CSMD1: variants seen among roughly 807,000 people sequenced by gnomAD.
CSMD1 encodes CUB and Sushi multiple domains 1, also known as CUB and sushi domain-containing protein 1.
In CSMD1, 213 loss-of-function variants were observed where a neutral mutation model predicts 417.5. The ratio of observed to expected loss-of-function variants is 0.51; its 90% confidence interval spans 0.46 to 0.57. The LOEUF is 0.57. Among genes scored for constraint, CSMD1 ranks in the 20% least tolerant of loss-of-function variants. The pLI, the probability that CSMD1 is intolerant of heterozygous loss-of-function variation, is 0.00. For synonymous variants in CSMD1, 2,862 were observed against 1,736.8 expected, an observed-to-expected ratio of 1.65 and a Z score of -16.11; for missense variants, 6,923 against 4,529.7, an observed-to-expected ratio of 1.53 and a Z score of -15.17.
chr8:4,758,405 C>T (rs1811810314), intron 1 of CSMD1, among the ~76,000 whole-genome samples: 1 of 152,164 alleles, frequency 6.6e-6, no homozygotes, highest in African/African-American at 2.4e-5. Flanking sequence ...TGAGCAAGGC[C>T]ATAGATTGTA....
At chr8:3,259,344 G>A (rs553499221) in intron 26 of CSMD1, among the ~76,000 whole-genome samples, 54 of 152,278 alleles carry the variant, frequency 3.5e-4, no homozygotes, top group African/African-American at 1.0e-3. Flanking sequence ...TCTTGACTTC[G>A]TTCACTCAGT....
intron 50 of CSMD1, among the ~76,000 whole-genome samples, chr8:3,042,416 T>G (rs988837107): frequency 6.6e-6 from 1 of 152,166 alleles, no homozygotes. Context: ...TTTATCACCT[T>G]AATAGGTATT....
Position 4,782,194 on chromosome 8 carries a change from C to A in CSMD1, c.86-144636G>T, listed in dbSNP as rs537505240. Among the ~76,000 whole-genome samples, 125 of 152,238 alleles carry A rather than the reference C, an allele frequency of 8.2e-4. 1 individual carries two copies. The highest frequency in any genetic ancestry group is 1.5e-3 in the Non-Finnish European group (104 of 68,006). ...AAGAAAGAGTTCTGCTGTTCTATTG[C>A]ACAGTAGAGTGACTCTGCTTAATAA... On this transcript the variant is annotated intron_variant, in intron 1 of 69. Transcript: ENST00000635120.
intron 12 of CSMD1, among the ~76,000 whole-genome samples, chr8:3,421,178 A>C (rs563590676): frequency 1.1e-4 from 16 of 152,334 alleles, no homozygotes; most frequent in African/African-American, 3.8e-4. Flanking sequence ...TCTTAAACTC[A>C]TACTACAAGA....
chr8:3,714,343 T>C (rs532432434), intron 6 of CSMD1, among the ~76,000 whole-genome samples: 36 of 150,832 alleles, frequency 2.4e-4, no homozygotes, highest in African/African-American at 8.5e-4. Flanking sequence ...ATCTTTTATA[T>C]TTACCTTTTC....
chr8:3,933,270 A>G (rs547477303), intron 5 of CSMD1, among the ~76,000 whole-genome samples: 2 of 152,332 alleles, frequency 1.3e-5, no homozygotes, highest in African/African-American at 2.4e-5. Context: ...TGACTAATCT[A>G]AAATATTTTG....
intron 26 of CSMD1, among the ~76,000 whole-genome samples, chr8:3,269,829 G>T (rs1039613742): frequency 3.3e-5 from 5 of 152,118 alleles, no homozygotes; most frequent in African/African-American, 1.2e-4. Context: ...TTTACATGCT[G>T]TGCAGAGCTG....
chr8:3,225,859 T>C (rs1262525957), intron 27 of CSMD1, among the ~76,000 whole-genome samples: 1 of 152,220 alleles, frequency 6.6e-6, no homozygotes, highest in Non-Finnish European at 1.5e-5. Context: ...CAAAATATTT[T>C]AGATAGGATT....
At chr8:3,601,183 G>C (rs1801344851) in intron 8 of CSMD1, among the ~76,000 whole-genome samples, 1 of 152,142 alleles carries the variant, frequency 6.6e-6, no homozygotes, top group African/African-American at 2.4e-5. Flanking sequence ...GTGTCCGTGG[G>C]ATTCCTGTTC....
chr8:4,540,664 T>C (rs1214059411), intron 2 of CSMD1, among the ~76,000 whole-genome samples: 1 of 152,058 alleles, frequency 6.6e-6, no homozygotes, highest in Non-Finnish European at 1.5e-5. Flanking sequence ...TGTACAAAGG[T>C]CAGGAAAGGC....
intron 3 of CSMD1, among the ~76,000 whole-genome samples, chr8:4,354,818 C>T (rs1483540967): frequency 6.7e-6 from 1 of 149,108 alleles, no homozygotes; most frequent in Non-Finnish European, 1.5e-5. Context: ...TAGTATTATA[C>T]CTGGTTTCTG....
chr8:3,462,710 A>T (rs181830264), intron 12 of CSMD1, among the ~76,000 whole-genome samples: 1 of 152,308 alleles, frequency 6.6e-6, no homozygotes, highest in East Asian at 1.9e-4. Flanking sequence ...AATGCACTTC[A>T]GTCACCCTGA....
chr8:3,876,800 C>A (rs766875010), intron 5 of CSMD1, among the ~76,000 whole-genome samples: 19 of 152,098 alleles, frequency 1.2e-4, no homozygotes, highest in Admixed American at 2.0e-4. Flanking sequence ...TTTGTAGAAA[C>A]GAGGTTTCAC....
chr8:4,138,322 T>G (rs13248083), intron 3 of CSMD1, among the ~76,000 whole-genome samples: 12,409 of 96,320 alleles, frequency 0.13, 3,088 homozygotes, highest in Non-Finnish European at 0.2. Flanking sequence ...AGAGTTGAGA[T>G]TTACACATTT....
At chr8:4,060,432 A>C (rs1798913057) in intron 3 of CSMD1, among the ~76,000 whole-genome samples, 1 of 152,186 alleles carries the variant, frequency 6.6e-6, no homozygotes, top group Admixed American at 6.5e-5. Flanking sequence ...TAGTGTTGGA[A>C]GTTCTGGCCA....
intron 49 of CSMD1, among the ~76,000 whole-genome samples, chr8:3,084,355 C>G (rs1000869158): frequency 3.3e-5 from 5 of 151,530 alleles, no homozygotes; most frequent in Non-Finnish European, 5.9e-5. Flanking sequence ...GAAACTCCAT[C>G]TCTACTAAAT....
chr8:4,723,611 A>G (rs945845044), intron 1 of CSMD1, among the ~76,000 whole-genome samples: 2 of 152,120 alleles, frequency 1.3e-5, no homozygotes, highest in African/African-American at 4.8e-5. Context: ...TTTAAAAAGC[A>G]AATAATAATT....
rs540419006 is a variant in CSMD1 at position 4,387,570 on chromosome 8, CAAAA to C, written c.415+32379_415+32382del. On this transcript the variant is annotated intron_variant, in intron 3 of 69. Transcript: ENST00000635120. ...GAAGAGATGCATAAATCCAAACTGG[CAAAA>C]AAAAAAAAAAAAAAAAAAGAGTTGA... Among the ~76,000 whole-genome samples the C allele has an allele frequency of 2.1e-3, 79 of 37,228 alleles. 1 individual carries two copies. The highest frequency in any genetic ancestry group is 9.7e-3 in the East Asian group (11 of 1,134). The allele number at this position is 37,228 out of a possible 152,430, so 24.4% of individuals were successfully genotyped here.
chr8:3,533,988 T>C (rs1798087150), intron 10 of CSMD1, among the ~76,000 whole-genome samples: 1 of 152,150 alleles, frequency 6.6e-6, no homozygotes, highest in Non-Finnish European at 1.5e-5. Context: ...TTTGGCAATA[T>C]TTATATTTTA....
Sources: gnomAD v4.1 joint callset for allele counts (sites outside exome capture counted in the v4.1 genomes callset) on GRCh38, gnomAD v4.1.1 for gene constraint, MANE v1.5 for transcripts, NCBI Gene and HGNC (gene_info 2026-07-23, HGNC 2026-07-21) for gene names.